HGF: variants seen among roughly 807,000 people sequenced by gnomAD.
The protein encoded by HGF is hepatocyte growth factor, also known as fibroblast-derived tumor cytotoxic factor.
A neutral mutation model predicts 111.6 loss-of-function variants in HGF; 39 were observed. The observed-to-expected ratio is 0.35, with a 90% CI of 0.27 to 0.46. The LOEUF is 0.46. Ranked by LOEUF, HGF falls within the 20% of genes least tolerant of loss-of-function variation. HGF has a pLI of 1.00. For synonymous variants in HGF, 285 were observed against 294.8 expected, an observed-to-expected ratio of 0.97 and a Z score of 0.34; for missense variants, 735 against 910.5, an observed-to-expected ratio of 0.81 and a Z score of 2.48.
intron 7 of HGF, among the ~76,000 whole-genome samples, chr7:81,734,832 C>G (rs1787773968): frequency 6.6e-6 from 1 of 152,000 alleles, no homozygotes; most frequent in African/African-American, 2.4e-5. Flanking sequence ...CAAACCCACC[C>G]TGCCCTCAAC....
rs780768372 is a variant in HGF at position 81,729,767 on chromosome 7, A to T, written c.878T>A (p.Met293Lys). 1 of 1,610,970 alleles carries T rather than the reference A, an allele frequency of 6.2e-7. No individual in the cohort carries two copies. Among genetic ancestry groups the T allele is most frequent in the Non-Finnish European group, 8.5e-7 (1 of 1,179,646 alleles). The change falls in exon 8 of 18, where the codon ATG becomes AAG. Residue 293 changes from methionine (M) to lysine (K), a missense_variant. This residue lies in a region of HGF where 553 missense variants were observed against 685.6 expected (regional missense o/e 0.81). Transcript: ENST00000222390. Reference sequence around the variant, plus strand: ...TTCCAAAGGAACATCAGTGTCATTCATAGTATTGTCAGCTATTGGCAAAAA... The same window carrying T: ...TTCCAAAGGAACATCAGTGTCATTCTTAGTATTGTCAGCTATTGGCAAAAA... ...CAIKTCADNT[M>K]NDTDVPLETT...
chr7:81,723,873 T>C (rs936664573), intron 9 of HGF, among the ~76,000 whole-genome samples: 5 of 151,386 alleles, frequency 3.3e-5, no homozygotes, highest in Admixed American at 3.3e-4. Flanking sequence ...TTTATATCTA[T>C]AGAAAAATAC....
At chr7:81,710,312 T>C (rs1354268325) in intron 12 of HGF, 69 bp from the exon 13 acceptor site, 5 of 961,340 alleles carry the variant, frequency 5.2e-6, no homozygotes, top group Non-Finnish European at 8.5e-6. Flanking sequence ...CTTAGTTTTC[T>C]TAAATGCAAT....
chr7:81,732,668 T>C (rs1787705452), intron 7 of HGF, among the ~76,000 whole-genome samples: 1 of 152,100 alleles, frequency 6.6e-6, no homozygotes, highest in Non-Finnish European at 1.5e-5. Flanking sequence ...ACATAGGTTA[T>C]CACAATTCAT....
intron 2 of HGF, among the ~76,000 whole-genome samples, chr7:81,759,644 A>G (rs566874153): frequency 3.9e-5 from 6 of 152,058 alleles, no homozygotes; most frequent in African/African-American, 7.2e-5. Context: ...AGCTGGGACT[A>G]CAGGTGCCCA....
At chr7:81,727,210 GTTT>G (rs5885247) in intron 8 of HGF, among the ~76,000 whole-genome samples, 1 of 143,030 alleles carries the variant, frequency 7.0e-6, no homozygotes. Context: ...CCGGCTAATT[GTTT>G]TTTTTTTTTT....
intron 3 of HGF, among the ~76,000 whole-genome samples, chr7:81,757,678 A>G (rs1788847889): frequency 6.6e-6 from 1 of 152,170 alleles, no homozygotes; most frequent in South Asian, 2.1e-4. Context: ...TGAATTCAAA[A>G]AGTTACCTAA....
Position 81,705,693 on chromosome 7 carries a change from A to G in HGF, c.1818T>C (p.Ile606=), listed in dbSNP as rs762445545. Residue 606 remains isoleucine (I), a synonymous_variant, in exon 16 of 18, where the codon ATT becomes ATC. Transcript: ENST00000222390. ...TIDLPNYGCT[I]PEKTSCSVYG... ...AAACACTGCAACTGGTCTTTTCAGGAATTGTGCATCCATAATTAGGTAAAT... is the reference window on the plus strand; with the variant it reads ...AAACACTGCAACTGGTCTTTTCAGGGATTGTGCATCCATAATTAGGTAAAT... 1.7e-5 allele frequency: 27 copies of G among 1,612,726 alleles called. No homozygotes were observed. Among genetic ancestry groups the G allele is most frequent in the Non-Finnish European group, 2.3e-5 (27 of 1,179,150 alleles).
Position 81,711,467 on chromosome 7 carries a change from G to A in HGF, c.1444+14C>T. On this transcript the variant is annotated intron_variant, in intron 12 of 17. Transcript: ENST00000222390. ...AGACTCAGAATATACTTTATATTGT[G>A]AAATATTACTTACGGTCTAAATTGA... 1 of 1,430,676 alleles carries A rather than the reference G, an allele frequency of 7.0e-7. No homozygotes were observed. The highest frequency in any genetic ancestry group is 9.7e-7 in the Non-Finnish European group (1 of 1,027,114). The allele number at this position is 1,430,676 out of a possible 1,614,324, so 88.6% of individuals were successfully genotyped here.
intron 10 of HGF, among the ~76,000 whole-genome samples, chr7:81,720,102 G>T (rs182848300): frequency 6.6e-6 from 1 of 152,234 alleles, no homozygotes; most frequent in East Asian, 1.9e-4. Flanking sequence ...AGGGTTGAGT[G>T]GGTGCTACCT....
intron 1 of HGF, among the ~76,000 whole-genome samples, chr7:81,763,653 CA>C (rs1455636331): frequency 1.3e-5 from 2 of 152,100 alleles, no homozygotes; most frequent in African/African-American, 4.8e-5. Context: ...TTTAGTGTTT[CA>C]AAAACTTGTT....
At chr7:81,741,577 GTGTGTC>G (rs1047684466) in intron 7 of HGF, among the ~76,000 whole-genome samples, 4 of 146,232 alleles carry the variant, frequency 2.7e-5, no homozygotes, top group Admixed American at 1.4e-4. Flanking sequence ...ATGTGTGTGT[GTGTGTC>G]TGTGTGTGTG....
At chr7:81,721,522 G>A (rs1562879313) in intron 9 of HGF, among the ~76,000 whole-genome samples, 6 of 151,944 alleles carry the variant, frequency 3.9e-5, no homozygotes, top group Non-Finnish European at 8.8e-5. Flanking sequence ...GTAATATAAC[G>A]AACATTCATC....
chr7:81,757,382 TG>T, intron 3 of HGF, 79 bp from the exon 4 acceptor site: 1 of 752,276 alleles, frequency 1.3e-6, no homozygotes, highest in Admixed American at 1.9e-5. Flanking sequence ...CGTTCAAACC[TG>T]TAAGTAATTA....
chr7:81,741,567 A>ATGTG (rs1233529310), intron 7 of HGF, among the ~76,000 whole-genome samples: 25 of 144,128 alleles, frequency 1.7e-4, no homozygotes, highest in African/African-American at 5.0e-4. Context: ...GTGAGTGTGT[A>ATGTG]TGTGTGTGTG....
intron 9 of HGF, among the ~76,000 whole-genome samples, chr7:81,724,800 C>A (rs2115896604): frequency 6.6e-6 from 1 of 152,266 alleles, no homozygotes; most frequent in East Asian, 1.9e-4. Flanking sequence ...GTGGCTGAAT[C>A]AATTTACATT....
chr7:81,729,865 A>G lies in HGF; in HGVS notation c.866-86T>C, dbSNP rs536478600. The G allele has an allele frequency of 2.0e-5, 25 of 1,239,672 alleles. No individual in the cohort carries two copies. In the South Asian group the frequency reaches 3.0e-4, roughly 15 times the overall value. 76.8% of individuals were successfully genotyped at this position (1,239,672 alleles called of 1,614,324 possible). On this transcript the variant is annotated intron_variant, in intron 7 of 17. Transcript: ENST00000222390. The stretch of plus-strand genomic sequence containing the variant: ...CCTCTTAGAGTTCATTGGCATTTGT[A>G]TTAGCAGATTTTTTTTTCTGTTACT...
chr7:81,720,415 G>GTAAC (rs1789822448), intron 10 of HGF, among the ~76,000 whole-genome samples: 2 of 152,150 alleles, frequency 1.3e-5, no homozygotes, highest in Admixed American at 1.3e-4. Context: ...ATTAAGTTAT[G>GTAAC]TAACTATTGT....
chr7:81,742,504 T>C (rs1788046161), intron 7 of HGF, among the ~76,000 whole-genome samples: 1 of 152,192 alleles, frequency 6.6e-6, no homozygotes, highest in Non-Finnish European at 1.5e-5. Flanking sequence ...TATAACATTA[T>C]TATACCTTAC....
Sources: allele counts gnomAD v4.1 joint callset (sites outside exome capture counted in the v4.1 genomes callset), GRCh38; gene constraint gnomAD v4.1.1; regional missense constraint gnomAD v4.1.1; transcripts MANE v1.5; gene names NCBI Gene and HGNC (gene_info 2026-07-23, HGNC 2026-07-21).